Variants in CA10 observed in about 807,000 individuals in gnomAD.
The protein encoded by CA10 is carbonic anhydrase 10 (inactive), also known as carbonic anhydrase-related protein 10.
Under a neutral mutation model 44.2 loss-of-function variants are expected in CA10, and 14 were observed. The ratio of observed to expected loss-of-function variants is 0.32; its 90% CI spans 0.21 to 0.50. The LOEUF (loss-of-function observed/expected upper bound fraction) is 0.50, where lower values mean the gene tolerates loss of function less well. Ranked by LOEUF, CA10 falls within the 20% of genes least tolerant of loss-of-function variation. CA10 has a pLI of 0.99. For missense variants in CA10, 350 were observed against 409.7 expected (o/e 0.85, Z 1.26); for synonymous variants, 159 against 141.6 (o/e 1.12, Z -0.87).
chr17:52,088,768 C>T (rs1163448203), intron 1 of CA10, among the ~76,000 whole-genome samples: 2 of 152,042 alleles, frequency 1.3e-5, no homozygotes, highest in Non-Finnish European at 2.9e-5. Context: ...ATGTTACATG[C>T]CAGCATATGA....
rs930472557 is a variant in CA10 at position 51,756,735 on chromosome 17, C to A, written c.280-8917G>T. 4.6e-5 allele frequency among the ~76,000 whole-genome samples: 7 copies of A among 152,230 alleles called. No individual in the cohort carries two copies. The East Asian group carries it at 9.7e-4, about 21-fold the overall frequency. On this transcript the variant is annotated intron_variant, in intron 3 of 8. Transcript: ENST00000451037. ...TCATGATCCGCCCGTCTTGGCCTCC[C>A]AAAGTGTTGGGATTACAGGTGTGAG...
rs567686938 is a variant in CA10 at position 51,794,501 on chromosome 17, C to T, written c.280-46683G>A. Among the ~76,000 whole-genome samples the T allele has an allele frequency of 1.1e-4, 17 of 152,282 alleles. 1 individual carries two copies. The South Asian group carries it at 3.3e-3, about 30-fold the overall frequency. Reference sequence around the variant, plus strand: ...TTCTCTGTATTGGGCTGTAAGACTCCTCCTCCTAGTCAACTAGGGTTCTAT... The same window carrying T: ...TTCTCTGTATTGGGCTGTAAGACTCTTCCTCCTAGTCAACTAGGGTTCTAT... On this transcript the variant is annotated intron_variant, in intron 3 of 8. Transcript: ENST00000451037.
At chr17:52,096,238 T>G (rs1047331038) in intron 1 of CA10, among the ~76,000 whole-genome samples, 1 of 152,180 alleles carries the variant, frequency 6.6e-6, no homozygotes, top group Non-Finnish European at 1.5e-5. Flanking sequence ...TCTCCATCTG[T>G]TGCTTTTTCT....
At chr17:52,100,620 C>G (rs1227927802) in intron 1 of CA10, among the ~76,000 whole-genome samples, 3 of 152,170 alleles carry the variant, frequency 2.0e-5, no homozygotes. Context: ...AATTACGGAA[C>G]TACGTCTTAT....
intron 4 of CA10, among the ~76,000 whole-genome samples, chr17:51,677,455 C>A (rs557450686): frequency 1.3e-5 from 2 of 152,114 alleles, no homozygotes; most frequent in African/African-American, 4.8e-5. Context: ...TTCCTGAGGC[C>A]CCCCCAGAAG....
At chr17:52,029,065 T>C (rs1045752850) in intron 2 of CA10, among the ~76,000 whole-genome samples, 1 of 152,160 alleles carries the variant, frequency 6.6e-6, no homozygotes, top group Admixed American at 6.6e-5. Context: ...AGCCCAAATA[T>C]GTCAAGGTCT....
At chr17:51,641,131 T>TTCTC (rs999924010) in intron 6 of CA10, among the ~76,000 whole-genome samples, 2 of 92,526 alleles carry the variant, frequency 2.2e-5, no homozygotes, top group Admixed American at 1.1e-4. Flanking sequence ...TATCCCCTCT[T>TTCTC]TCTCTCTCTC....
At chr17:51,875,390 A>T (rs1172466144) in intron 3 of CA10, among the ~76,000 whole-genome samples, 2 of 152,202 alleles carry the variant, frequency 1.3e-5, no homozygotes, top group East Asian at 3.9e-4. Context: ...AAGGTTACCA[A>T]GTCACCGTGA....
At chr17:52,113,492 A>C (rs1217104248) in intron 1 of CA10, among the ~76,000 whole-genome samples, 1 of 152,180 alleles carries the variant, frequency 6.6e-6, no homozygotes, top group Non-Finnish European at 1.5e-5. Flanking sequence ...CATCCTAGGG[A>C]GTTAATAATC....
At chr17:51,699,056 C>T (rs1915496665) in intron 4 of CA10, among the ~76,000 whole-genome samples, 4 of 152,166 alleles carry the variant, frequency 2.6e-5, no homozygotes, top group Admixed American at 2.6e-4. Flanking sequence ...TGTGGTGACT[C>T]ACGCCTGTAA....
chr17:51,812,904 C>T (rs1457243175), intron 3 of CA10, among the ~76,000 whole-genome samples: 3 of 152,168 alleles, frequency 2.0e-5, no homozygotes, highest in Admixed American at 1.3e-4. Context: ...TAACCATCTC[C>T]CAAATAGCTC....
intron 4 of CA10, among the ~76,000 whole-genome samples, chr17:51,738,218 G>T (rs1916976872): frequency 6.6e-6 from 1 of 152,176 alleles, no homozygotes; most frequent in Non-Finnish European, 1.5e-5. Context: ...GAAATGATTA[G>T]CTTTGTTTCA....
At chr17:51,896,484 G>A (rs1268502025) in intron 3 of CA10, among the ~76,000 whole-genome samples, 2 of 152,052 alleles carry the variant, frequency 1.3e-5, no homozygotes, top group Non-Finnish European at 2.9e-5. Context: ...CCAGTCTAAT[G>A]TTGATGGACA....
chr17:51,774,352 C>T (rs755732778), intron 3 of CA10, among the ~76,000 whole-genome samples: 3 of 152,042 alleles, frequency 2.0e-5, no homozygotes, highest in Non-Finnish European at 4.4e-5. Context: ...GCCTGCAAAA[C>T]AATCTGTTTG....
chr17:52,056,611 C>G (rs977738153), intron 2 of CA10, among the ~76,000 whole-genome samples: 2 of 151,952 alleles, frequency 1.3e-5, no homozygotes, highest in Admixed American at 6.6e-5. Context: ...CCCTGTCATG[C>G]TTTTGCAGTT....
intron 2 of CA10, among the ~76,000 whole-genome samples, chr17:51,987,878 A>C (rs1984899877): frequency 6.6e-6 from 1 of 152,076 alleles, no homozygotes; most frequent in Non-Finnish European, 1.5e-5. Context: ...TAAGTTCATC[A>C]GAAGAAGGTA....
intron 2 of CA10, among the ~76,000 whole-genome samples, chr17:52,010,083 A>T (rs1222685139): frequency 6.6e-6 from 1 of 151,890 alleles, no homozygotes; most frequent in Admixed American, 6.6e-5. Context: ...TGGCCATAAT[A>T]AAAAAATTAA....
At chr17:51,866,418 T>C (rs1979549488) in intron 3 of CA10, among the ~76,000 whole-genome samples, 2 of 152,264 alleles carry the variant, frequency 1.3e-5, no homozygotes, top group African/African-American at 4.8e-5. Context: ...AGCTAGTTTT[T>C]ACTCCTTTCT....
intron 1 of CA10, among the ~76,000 whole-genome samples, chr17:52,157,276 G>C (rs1055961786): frequency 3.9e-5 from 6 of 151,986 alleles, no homozygotes; most frequent in Non-Finnish European, 7.4e-5. Context: ...CTCCAGTCCC[G>C]CATCCTCCCG....
Sources: gnomAD v4.1 joint callset for allele counts (sites outside exome capture counted in the v4.1 genomes callset) on GRCh38, gnomAD v4.1.1 for gene constraint, MANE v1.5 for transcripts, NCBI Gene and HGNC (gene_info 2026-07-23, HGNC 2026-07-21) for gene names.